JAZF1: variants seen among roughly 807,000 people sequenced by gnomAD.
The protein encoded by JAZF1 is juxtaposed with another zinc finger protein 1.
In JAZF1, 8 loss-of-function variants were observed where a neutral mutation model predicts 26.4. The observed-to-expected ratio is 0.30, with a 90% CI of 0.18 to 0.55. The LOEUF (loss-of-function observed/expected upper bound fraction) is 0.55. Ranked by LOEUF, JAZF1 falls within the 20% of genes least tolerant of loss-of-function variation. The pLI is 0.94. For synonymous variants in JAZF1, 126 were observed against 122.3 expected, an observed-to-expected ratio of 1.03 and a Z score of -0.20; for missense variants, 199 against 322.0, an observed-to-expected ratio of 0.62 and a Z score of 2.92.
chr7:28,041,666 G>A (rs1783394526), intron 1 of JAZF1, among the ~76,000 whole-genome samples: 1 of 152,148 alleles, frequency 6.6e-6, no homozygotes, highest in African/African-American at 2.4e-5. Flanking sequence ...ACATACCAGA[G>A]TTAACAATCT....
chr7:28,112,449 G>T (rs1784676337), intron 1 of JAZF1, among the ~76,000 whole-genome samples: 1 of 152,154 alleles, frequency 6.6e-6, no homozygotes, highest in Admixed American at 6.5e-5. Context: ...CTTAAAGTTT[G>T]TAAAGTTGGT....
At chr7:27,893,371 A>C (rs148005556) in intron 3 of JAZF1, among the ~76,000 whole-genome samples, 1 of 152,344 alleles carries the variant, frequency 6.6e-6, no homozygotes, top group East Asian at 1.9e-4. Context: ...TGTGGTTACA[A>C]GTGGGTTCTC....
At chr7:27,920,891 G>A (rs1261429093) in intron 2 of JAZF1, among the ~76,000 whole-genome samples, 1 of 152,194 alleles carries the variant, frequency 6.6e-6, no homozygotes, top group Non-Finnish European at 1.5e-5. Flanking sequence ...CACAGCTGTA[G>A]TAATGTTGGC....
intron 1 of JAZF1, among the ~76,000 whole-genome samples, chr7:28,136,130 C>G (rs1782881837): frequency 6.6e-6 from 1 of 152,208 alleles, no homozygotes; most frequent in South Asian, 2.1e-4. Flanking sequence ...ATGATCGCAG[C>G]AGGGAGTAAT....
At chr7:27,983,993 A>C (rs941248699) in intron 2 of JAZF1, among the ~76,000 whole-genome samples, 10 of 152,346 alleles carry the variant, frequency 6.6e-5, no homozygotes, top group Admixed American at 6.5e-4. Context: ...CCACTGCAAA[A>C]ACATGCCAAA....
chr7:27,900,296 T>C (rs1359006054), intron 2 of JAZF1, among the ~76,000 whole-genome samples: 2 of 152,196 alleles, frequency 1.3e-5, no homozygotes, highest in African/African-American at 2.4e-5. Context: ...ATGACGTAAA[T>C]AATTAAATCA....
intron 1 of JAZF1, among the ~76,000 whole-genome samples, chr7:28,125,534 T>A (rs1782680386): frequency 6.6e-6 from 1 of 152,180 alleles, no homozygotes; most frequent in Non-Finnish European, 1.5e-5. Context: ...CAAATTTGAG[T>A]GTTATCCCTT....
chr7:27,836,302 G>A (rs993500704), intron 4 of JAZF1, among the ~76,000 whole-genome samples: 2 of 96,344 alleles, frequency 2.1e-5, no homozygotes, highest in Non-Finnish European at 4.5e-5. Flanking sequence ...AGGTAGAAAG[G>A]AGAACTTAGG....
chr7:27,933,819 T>C (rs1476730600), intron 2 of JAZF1, among the ~76,000 whole-genome samples: 1 of 152,046 alleles, frequency 6.6e-6, no homozygotes, highest in Non-Finnish European at 1.5e-5. Flanking sequence ...GGAAGGCGGT[T>C]GGAGTGGAAA....
At chr7:28,116,087 T>C (rs565209857) in intron 1 of JAZF1, among the ~76,000 whole-genome samples, 9 of 152,350 alleles carry the variant, frequency 5.9e-5, no homozygotes, top group Admixed American at 1.3e-4. Context: ...TCTTTTCTAT[T>C]ATAAACAATG....
At chr7:27,988,920 TAAAAAAAAAA>T (rs57661404) in intron 2 of JAZF1, among the ~76,000 whole-genome samples, 1 of 83,770 alleles carries the variant, frequency 1.2e-5, no homozygotes, top group Admixed American at 1.4e-4. Flanking sequence ...AGAATCTCTG[TAAAAAAAAAA>T]AAAAAAAAAA....
chr7:28,104,321 C>A (rs1784519181), intron 1 of JAZF1, among the ~76,000 whole-genome samples: 1 of 152,178 alleles, frequency 6.6e-6, no homozygotes, highest in Non-Finnish European at 1.5e-5. Flanking sequence ...GTCTGTCTCC[C>A]TACAGCTAAC....
At chr7:28,080,231 T>C (rs1181114492) in intron 1 of JAZF1, among the ~76,000 whole-genome samples, 1 of 152,196 alleles carries the variant, frequency 6.6e-6, no homozygotes, top group African/African-American at 2.4e-5. Flanking sequence ...ACTTTTCTTC[T>C]GCAGCTTCCT....
chr7:28,102,376 A>T (rs1784486504), intron 1 of JAZF1, among the ~76,000 whole-genome samples: 1 of 152,264 alleles, frequency 6.6e-6, no homozygotes, highest in Non-Finnish European at 1.5e-5. Flanking sequence ...CGCCCAGAGC[A>T]TGCTTAAGGC....
intron 1 of JAZF1, among the ~76,000 whole-genome samples, chr7:28,043,033 A>G (rs1297476114): frequency 2.0e-5 from 3 of 152,196 alleles, no homozygotes; most frequent in Non-Finnish European, 4.4e-5. Context: ...TGATCCTGCA[A>G]AAATGTAAGA....
chr7:27,945,482 T>C (rs1333059369), intron 2 of JAZF1, among the ~76,000 whole-genome samples: 4 of 152,170 alleles, frequency 2.6e-5, no homozygotes, highest in African/African-American at 9.7e-5. Flanking sequence ...TCTTTTCAGT[T>C]CTTCCTCCTC....
chr7:28,163,427 C>A (rs1022912529), intron 1 of JAZF1, among the ~76,000 whole-genome samples: 1 of 152,158 alleles, frequency 6.6e-6, no homozygotes, highest in African/African-American at 2.4e-5. Flanking sequence ...TGGCAAAGCA[C>A]CCCAAAATTC....
chr7:28,004,062 T>C (rs1337463235), intron 1 of JAZF1, among the ~76,000 whole-genome samples: 1 of 152,144 alleles, frequency 6.6e-6, no homozygotes, highest in Non-Finnish European at 1.5e-5. Context: ...GACTGGACTA[T>C]AGAGGATGTG....
intron 3 of JAZF1, among the ~76,000 whole-genome samples, chr7:27,856,544 G>A (rs1390873723): frequency 6.6e-6 from 1 of 152,194 alleles, no homozygotes; most frequent in African/African-American, 2.4e-5. Flanking sequence ...TTTACAGAGA[G>A]CTGATTGGTC....
Sources: allele counts gnomAD v4.1 joint callset (sites outside exome capture counted in the v4.1 genomes callset), GRCh38; gene constraint gnomAD v4.1.1; transcripts MANE v1.5; gene names NCBI Gene and HGNC (gene_info 2026-07-23, HGNC 2026-07-21).